The following MAPK6 variants were observed in gnomAD, a reference collection of about 807,000 sequenced individuals.
MAPK6 encodes mitogen-activated protein kinase 6, also known as ERK-3.
In MAPK6, 19 loss-of-function variants were observed where a neutral mutation model predicts 59.3. The observed-to-expected ratio is 0.32, with a 90% CI of 0.22 to 0.47. The LOEUF (loss-of-function observed/expected upper bound fraction) is 0.47. MAPK6 is among the 20% of genes least tolerant of loss of function. The pLI, the probability that MAPK6 is intolerant of heterozygous loss-of-function variation, is 1.00. For synonymous variants in MAPK6, 316 were observed against 290.3 expected, an observed-to-expected ratio of 1.09 and a Z score of -0.90; for missense variants, 724 against 847.9, an observed-to-expected ratio of 0.85 and a Z score of 1.81.
At chr15:52,029,196 C>G (rs2030932156) in intron 1 of MAPK6, among the ~76,000 whole-genome samples, 1 of 152,178 alleles carries the variant, frequency 6.6e-6, no homozygotes, top group Non-Finnish European at 1.5e-5. Context: ...CACCACCACG[C>G]CTGGCTAATT....
At position 52,046,823 on chromosome 15, in the gene MAPK6, G is replaced by C. The variant is rs2031606720; in HGVS notation, c.363G>C (p.Gln121His). 1.9e-6 allele frequency: 3 copies of C among 1,613,914 alleles called. No homozygotes were observed. Among genetic ancestry groups the C allele is most frequent in the Non-Finnish European group, 2.5e-6 (3 of 1,179,932 alleles). Residue 121 changes from glutamine (Q) to histidine (H), a missense_variant, in exon 2 of 6, where the codon CAG becomes CAC. Coordinates refer to ENST00000261845, the MANE Select transcript of MAPK6 (RefSeq NM_002748.4). The part of the protein sequence containing the change: ...METDLANVLE[Q>H]GPLLEEHARL... Reference sequence around the variant, plus strand: ...CAGACTTGGCTAATGTGCTGGAGCAGGGCCCTTTACTGGAAGAGCATGCCA... The same window carrying C: ...CAGACTTGGCTAATGTGCTGGAGCACGGCCCTTTACTGGAAGAGCATGCCA...
At chr15:51,984,669 C>T (rs1249754960) in intron 2 of MAPK6, among the ~76,000 whole-genome samples, 1 of 151,410 alleles carries the variant, frequency 6.6e-6, no homozygotes, top group East Asian at 1.9e-4. Flanking sequence ...CTAGTAAAAG[C>T]TTAACAACCA....
At chr15:52,062,569 A>G (rs2032244917) in intron 5 of MAPK6, among the ~76,000 whole-genome samples, 2 of 152,080 alleles carry the variant, frequency 1.3e-5, no homozygotes, top group South Asian at 2.1e-4. Context: ...GTTCGAGACC[A>G]GCCTGGCTAA....
intron 1 of MAPK6, among the ~76,000 whole-genome samples, chr15:51,979,613 C>T (rs762574546): frequency 2.6e-5 from 4 of 151,312 alleles, no homozygotes; most frequent in African/African-American, 4.8e-5. Flanking sequence ...GGAAATAAGG[C>T]GAAACCCCAT....
At chr15:52,018,225 CACCATGTTG>C (rs60915972), upstream of MAPK6, among the ~76,000 whole-genome samples, 49,421 of 151,732 alleles carry the variant, frequency 0.33, 8,806 homozygotes, top group Middle Eastern at 0.42. Flanking sequence ...ACGGGGCTTT[CACCATGTTG>C]GCCATGCTGG....
In MAPK6 at chr15:52,063,254, G is replaced by T. The variant is rs988285176; in HGVS notation, c.1068-648G>T. Among the ~76,000 whole-genome samples, 3 of 152,086 alleles carry T rather than the reference G, an allele frequency of 2.0e-5. No homozygotes were observed. The East Asian group carries it at 5.8e-4, about 29-fold the overall frequency. On this transcript the variant is annotated intron_variant, in intron 5 of 5. Coordinates refer to ENST00000261845, the MANE Select transcript of MAPK6 (RefSeq NM_002748.4). ...TAATTTTTGTATTTTTAGTAGTGGG[G>T]GTTTCACCATGTTGGCCAGGCTGGT...
chr15:52,040,354 G>A (rs1466927777), intron 1 of MAPK6, among the ~76,000 whole-genome samples: 1 of 152,204 alleles, frequency 6.6e-6, no homozygotes, highest in Non-Finnish European at 1.5e-5. Flanking sequence ...CTATGGAGAA[G>A]AGCAAAATAA....
chr15:52,046,447 G>A lies in MAPK6; in HGVS notation c.-14G>A. ...TTCAATTTGAAAGGAAAAGGCAATA[G>A]TAAGGGTTTCAAAATGGCAGAGAAA... On this transcript the variant is annotated 5_prime_UTR_variant, in exon 2 of 6. Coordinates refer to ENST00000261845, the MANE Select transcript of MAPK6 (RefSeq NM_002748.4). The A allele has an allele frequency of 6.3e-7, 1 of 1,578,280 alleles. No homozygotes were observed. Among genetic ancestry groups the A allele is most frequent in the South Asian group, 1.2e-5 (1 of 85,298 alleles).
At chr15:51,975,645 T>G (rs968621439) in intron 1 of MAPK6, among the ~76,000 whole-genome samples, 4 of 151,866 alleles carry the variant, frequency 2.6e-5, no homozygotes, top group African/African-American at 4.8e-5. Flanking sequence ...AATAACAGAT[T>G]GATTAAACAG....
At chr15:52,020,485 T>C (rs1238042405) in intron 1 of MAPK6, among the ~76,000 whole-genome samples, 3 of 152,104 alleles carry the variant, frequency 2.0e-5, no homozygotes, top group Non-Finnish European at 2.9e-5. Flanking sequence ...ATACAGATGA[T>C]TTGTCAAGGG....
intron 2 of MAPK6, among the ~76,000 whole-genome samples, chr15:52,000,640 T>C (rs918167637): frequency 2.0e-5 from 3 of 152,114 alleles, no homozygotes; most frequent in African/African-American, 7.2e-5. Context: ...ACTCCGTCTC[T>C]ACTGAAAATA....
chr15:51,978,862 G>C (rs1219184720), intron 1 of MAPK6, among the ~76,000 whole-genome samples: 1 of 151,662 alleles, frequency 6.6e-6, no homozygotes, highest in African/African-American at 2.4e-5. Flanking sequence ...GGTTCACACC[G>C]ATAACCCCAA....
chr15:52,028,044 C>G (rs186073391), intron 1 of MAPK6, among the ~76,000 whole-genome samples: 151 of 150,178 alleles, frequency 1.0e-3, no homozygotes, highest in Non-Finnish European at 1.6e-3. Context: ...GCTCTGCCTC[C>G]CAGGTTCACG....
Position 52,067,125 on chromosome 15 carries a change from C to T in MAPK6, c.*2125C>T, listed in dbSNP as rs1432566288. 1 of 152,082 alleles carries T rather than the reference C, an allele frequency of 6.6e-6. No homozygotes were observed. Among genetic ancestry groups the T allele is most frequent in the Non-Finnish European group, 1.5e-5 (1 of 68,014 alleles). The allele number at this position is 152,082 out of a possible 1,614,324, so 9.4% of individuals were successfully genotyped here. A position where few individuals can be genotyped will look rare whatever the true frequency, so the allele number is the denominator to read the frequency against. On this transcript the variant is annotated 3_prime_UTR_variant, in exon 6 of 6. Coordinates refer to ENST00000261845, the MANE Select transcript of MAPK6 (RefSeq NM_002748.4). ...AAATGCTGTCTTCCCTGAAGGAGAC[C>T]TAGGATTTTTCTTACTGGGAAACTT...
intron 1 of MAPK6, among the ~76,000 whole-genome samples, chr15:52,036,147 CAG>C (rs1202369375): frequency 1.3e-5 from 2 of 152,126 alleles, no homozygotes; most frequent in African/African-American, 4.8e-5. Flanking sequence ...GCCTGGGTGA[CAG>C]GGCAAGACCT....
At chr15:52,059,359 C>T (rs1179889076) in intron 4 of MAPK6, among the ~76,000 whole-genome samples, 4 of 152,166 alleles carry the variant, frequency 2.6e-5, no homozygotes, top group Non-Finnish European at 4.4e-5. Context: ...AACTCCTGAG[C>T]TCAAGCAGCC....
rs1044324791 is a variant in MAPK6 at position 51,992,246 on chromosome 15, C to A, written c.-770+8931C>A. ...GTGGTGGGCTTACAGGCATGAGCCA[C>A]CGCACCCGGCTGTCCCTCATTTATC... On this transcript the variant is annotated intron_variant, in intron 2 of 7. Transcript: ENST00000691380. Among the ~76,000 whole-genome samples the A allele has an allele frequency of 3.3e-4, 50 of 149,822 alleles. 1 individual carries two copies. Among genetic ancestry groups the A allele is most frequent in the Non-Finnish European group, 1.3e-4 (9 of 67,954 alleles).
intron 5 of MAPK6, among the ~76,000 whole-genome samples, chr15:52,063,351 A>C (rs1342006505): frequency 2.0e-5 from 3 of 152,234 alleles, no homozygotes; most frequent in African/African-American, 7.2e-5. Flanking sequence ...GGCCTGAGCC[A>C]CTGCACCTGA....
chr15:51,988,713 CAG>C (rs1595959140), intron 2 of MAPK6, among the ~76,000 whole-genome samples: 1 of 150,862 alleles, frequency 6.6e-6, no homozygotes, highest in East Asian at 1.9e-4. Flanking sequence ...GCTTGGGCAA[CAG>C]AGTGAGACTC....
Sources: allele counts gnomAD v4.1 joint callset (sites outside exome capture counted in the v4.1 genomes callset), GRCh38; gene constraint gnomAD v4.1.1; transcripts MANE v1.5; gene names NCBI Gene and HGNC (gene_info 2026-07-23, HGNC 2026-07-21).